CXXC5: variants seen among roughly 807,000 people sequenced by gnomAD.
CXXC5 encodes CXXC finger protein 5.
CXXC5 carries 2 observed loss-of-function variants against 17.6 expected under a neutral mutation model. The observed-to-expected ratio is 0.11, with a 90% CI of 0.05 to 0.36. The LOEUF (loss-of-function observed/expected upper bound fraction) is 0.36, where lower values mean the gene tolerates loss of function less well. CXXC5 is among the 10% of genes least tolerant of loss of function. CXXC5 has a pLI of 1.00. For synonymous variants in CXXC5, 171 were observed against 193.0 expected, an observed-to-expected ratio of 0.89 and a Z score of 0.94; for missense variants, 343 against 458.3, an observed-to-expected ratio of 0.75 and a Z score of 2.30.
intron 1 of CXXC5, among the ~76,000 whole-genome samples, chr5:139,660,335 C>T (rs928787263): frequency 2.0e-5 from 3 of 152,152 alleles, no homozygotes; most frequent in African/African-American, 4.8e-5. Flanking sequence ...GTCATGCTCC[C>T]GCCCCTCCAC....
intron 1 of CXXC5, among the ~76,000 whole-genome samples, chr5:139,678,630 C>G (rs1400878869): frequency 6.6e-6 from 1 of 152,124 alleles, no homozygotes; most frequent in African/African-American, 2.4e-5. Flanking sequence ...CTGGGGAAGC[C>G]CCCCCTCCCC....
chr5:139,662,450 C>G (rs1328245971), intron 1 of CXXC5, among the ~76,000 whole-genome samples: 1 of 152,140 alleles, frequency 6.6e-6, no homozygotes, highest in South Asian at 2.1e-4. Flanking sequence ...AAAAAAAAGC[C>G]GTTTTTCAGA....
At position 139,656,448 on chromosome 5, in the gene CXXC5, TAC is replaced by T. The variant is rs1185114897; in HGVS notation, c.-161+7611_-161+7612del. 3.3e-5 allele frequency among the ~76,000 whole-genome samples: 5 copies of T among 151,154 alleles called. No individual in the cohort carries two copies. In the East Asian group the frequency reaches 7.8e-4, roughly 24 times the overall value. ...CGTGTAACACACCTAAGTGCTTACA[TAC>T]ACACACATGTGTGCAGAAAGACACC... On this transcript the variant is annotated intron_variant, in intron 1 of 2. Transcript: ENST00000302517.
At chr5:139,662,548 G>A in intron 1 of CXXC5, among the ~76,000 whole-genome samples, 1 of 152,196 alleles carries the variant, frequency 6.6e-6, no homozygotes, top group East Asian at 1.9e-4. Context: ...CGGTCATTCT[G>A]GGCCTACAGT....
At chr5:139,674,392 G>T (rs78836091) in intron 1 of CXXC5, among the ~76,000 whole-genome samples, 29 of 152,302 alleles carry the variant, frequency 1.9e-4, no homozygotes, top group East Asian at 3.9e-4. Context: ...CACCAAGGTG[G>T]GGGGGAGGAG....
intron 1 of CXXC5, among the ~76,000 whole-genome samples, chr5:139,664,292 T>A (rs1478364858): frequency 6.6e-6 from 1 of 152,178 alleles, no homozygotes; most frequent in Non-Finnish European, 1.5e-5. Flanking sequence ...TGGTTAGGCC[T>A]GTGGAAGCTG....
intron 1 of CXXC5, among the ~76,000 whole-genome samples, chr5:139,660,320 C>T (rs919730994): frequency 6.6e-6 from 1 of 152,208 alleles, no homozygotes; most frequent in Non-Finnish European, 1.5e-5. Flanking sequence ...CAGGAAATAG[C>T]AGCTGTCATG....
intron 1 of CXXC5, among the ~76,000 whole-genome samples, chr5:139,654,816 G>A (rs1325851515): frequency 6.6e-6 from 1 of 152,186 alleles, no homozygotes; most frequent in African/African-American, 2.4e-5. Flanking sequence ...CTAGGGTGGG[G>A]TAGAGCTGGT....
chr5:139,668,008 A>C lies in CXXC5; in HGVS notation c.-160-12356A>C, dbSNP rs1009065556. On this transcript the variant is annotated intron_variant, in intron 1 of 2. Coordinates refer to ENST00000302517, the MANE Select transcript of CXXC5 (RefSeq NM_016463.9). This position sits in a 1 kb window ranked among gnomAD's most constrained non-coding sequence, Gnocchi z 4.1. Reference sequence around the variant, plus strand: ...GCTCCAAGGAGAGGGCCTGGGTTTTAATTTTTGCTGCAGGGTCCCACCTGC... The same window carrying C: ...GCTCCAAGGAGAGGGCCTGGGTTTTCATTTTTGCTGCAGGGTCCCACCTGC... 4.6e-5 allele frequency among the ~76,000 whole-genome samples: 7 copies of C among 151,886 alleles called. No homozygotes were observed. The highest frequency in any genetic ancestry group is 8.8e-5 in the Non-Finnish European group (6 of 67,948).
At chr5:139,664,602 T>C (rs1452194548) in intron 1 of CXXC5, among the ~76,000 whole-genome samples, 1 of 152,158 alleles carries the variant, frequency 6.6e-6, no homozygotes, top group Non-Finnish European at 1.5e-5. Context: ...TTTCTTCATC[T>C]GTGAAATGAC....
Position 139,678,261 on chromosome 5 carries a change from C to T in CXXC5, c.-160-2103C>T, listed in dbSNP as rs567787118. Among the ~76,000 whole-genome samples, 7 of 152,350 alleles carry T rather than the reference C, an allele frequency of 4.6e-5. No individual in the cohort carries two copies. The East Asian group carries it at 1.2e-3, about 25-fold the overall frequency. On this transcript the variant is annotated intron_variant, in intron 1 of 2. Coordinates refer to ENST00000302517, the MANE Select transcript of CXXC5 (RefSeq NM_016463.9). Reference sequence around the variant, plus strand: ...GGTCACTGATTCCTGAAAGGGTCACCAGTCTCTGAGGAGAGGGGCTGAAAA... The same window carrying T: ...GGTCACTGATTCCTGAAAGGGTCACTAGTCTCTGAGGAGAGGGGCTGAAAA...
At chr5:139,681,508 C>T (rs1291056456) in intron 2 of CXXC5, 61 bp downstream of exon 2, 4 of 1,505,548 alleles carry the variant, frequency 2.7e-6, no homozygotes, top group Admixed American at 2.3e-5. Flanking sequence ...TCCAAACCCA[C>T]CCCCATCCCC....
intron 1 of CXXC5, among the ~76,000 whole-genome samples, chr5:139,653,672 T>C (rs1755328967): frequency 6.6e-6 from 1 of 152,188 alleles, no homozygotes; most frequent in African/African-American, 2.4e-5. Flanking sequence ...CTAGTGTCTC[T>C]GGCCAGAGAC....
Position 139,680,886 on chromosome 5 carries a change from G to T in CXXC5, c.363G>T (p.Leu121=), listed in dbSNP as rs773400335. 4 of 1,606,894 alleles carry T rather than the reference G, an allele frequency of 2.5e-6. No homozygotes were observed. Among genetic ancestry groups the T allele is most frequent in the Non-Finnish European group, 3.4e-6 (4 of 1,179,972 alleles). Residue 121 remains leucine, a synonymous_variant, in exon 2 of 3, where the codon CTG becomes CTT. Transcript: ENST00000302517. ...CCCTGTTGGCCAATGGGCATGACCT[G>T]GCGGCGGCCATGGCGGTGGACAAAA... ...AASLLANGHD[L]AAAMAVDKSN...
chr5:139,654,341 G>T (rs537480147), intron 1 of CXXC5, among the ~76,000 whole-genome samples: 58 of 152,308 alleles, frequency 3.8e-4, no homozygotes, highest in African/African-American at 1.3e-3. Context: ...ACATGTCACT[G>T]CCTAGCTGGA....
At position 139,648,539 on chromosome 5, in the gene CXXC5, C is replaced by T. The variant is rs1002946193; in HGVS notation, c.-467C>T. Reference sequence around the variant, plus strand: ...ATGCGCGCCGCCTGCTGAGTCCGGGCGCCGCACGCTGAGCCCTCCGCCCGC... The same window carrying T: ...ATGCGCGCCGCCTGCTGAGTCCGGGTGCCGCACGCTGAGCCCTCCGCCCGC... On this transcript the variant is annotated 5_prime_UTR_variant, in exon 1 of 3. Coordinates refer to ENST00000302517, the MANE Select transcript of CXXC5 (RefSeq NM_016463.9). 7.9e-5 allele frequency: 12 copies of T among 152,252 alleles called. 1 individual carries two copies. The highest frequency in any genetic ancestry group is 1.3e-4 in the Non-Finnish European group (9 of 68,232). 9.4% of individuals were successfully genotyped at this position (152,252 alleles called of 1,614,324 possible).
intron 1 of CXXC5, among the ~76,000 whole-genome samples, chr5:139,650,340 C>T (rs1399104764): frequency 3.3e-5 from 5 of 152,312 alleles, no homozygotes; most frequent in Admixed American, 1.3e-4. Flanking sequence ...GACTCCTGAC[C>T]CCCACCTTTC....
Position 139,668,645 on chromosome 5 carries a change from G to C in CXXC5, c.-160-11719G>C, listed in dbSNP as rs1435051917. Among the ~76,000 whole-genome samples the C allele has an allele frequency of 2.6e-5, 4 of 152,182 alleles. No homozygotes were observed. Among genetic ancestry groups the C allele is most frequent in the African/African-American group, 9.7e-5 (4 of 41,448 alleles). ...GGACGCCCTATCCCTGAACCCCATCGTGGCGTGCAGGTCTGAGTAGGCTCT... is the reference window on the plus strand; with the variant it reads ...GGACGCCCTATCCCTGAACCCCATCCTGGCGTGCAGGTCTGAGTAGGCTCT... On this transcript the variant is annotated intron_variant, in intron 1 of 2. Transcript: ENST00000302517. The surrounding 1 kb of genome is among the most constrained non-coding windows in gnomAD (Gnocchi z 4.1).
At chr5:139,678,394 T>G (rs1222299870) in intron 1 of CXXC5, among the ~76,000 whole-genome samples, 2 of 152,198 alleles carry the variant, frequency 1.3e-5, no homozygotes, top group African/African-American at 4.8e-5. Flanking sequence ...CAACCCAGCC[T>G]GGATTCCCTG....
Sources: gnomAD v4.1 joint callset for allele counts (sites outside exome capture counted in the v4.1 genomes callset) on GRCh38, gnomAD v4.1.1 for gene constraint, Gnocchi (gnomAD v3.1) non-coding constraint, MANE v1.5 for transcripts, NCBI Gene and HGNC (gene_info 2026-07-23, HGNC 2026-07-21) for gene names.